DNAH12: variants seen among roughly 807,000 people sequenced by gnomAD.
DNAH12 encodes the protein dynein axonemal heavy chain 12, also known as axonemal beta dynein heavy chain 12.
Under a neutral mutation model 371.5 loss-of-function variants are expected in DNAH12, and 285 were observed. The observed-to-expected ratio is 0.77, with a 90% CI of 0.70 to 0.85. The LOEUF is 0.85. DNAH12 is among the 40% of genes least tolerant of loss of function. DNAH12 has a pLI of 0.00. For missense variants in DNAH12, 3,611 were observed against 3,689.4 expected (o/e 0.98, Z 0.55); for synonymous variants, 1,200 against 1,213.0 (o/e 0.99, Z 0.22).
At chr3:57,322,548 C>G (rs995903112) in intron 64 of DNAH12, 65 bp from the exon 65 acceptor site, 2 of 1,462,742 alleles carry the variant, frequency 1.4e-6, no homozygotes, top group African/African-American at 2.9e-5. Flanking sequence ...AGTGCATATA[C>G]ACGTGGATTA....
At chr3:57,452,693 A>G in intron 25 of DNAH12, 150 bp downstream of exon 25, 1 of 758,246 alleles carries the variant, frequency 1.3e-6, no homozygotes, top group East Asian at 3.0e-5. Context: ...CCAGAAGTAA[A>G]TATTCACTAT....
chr3:57,467,173 C>A (rs748165336), intron 17 of DNAH12, among the ~76,000 whole-genome samples: 38 of 152,164 alleles, frequency 2.5e-4, no homozygotes, highest in Non-Finnish European at 4.6e-4. Context: ...ACTGGGCATG[C>A]AGAGGCATGA....
intron 29 of DNAH12, among the ~76,000 whole-genome samples, chr3:57,442,474 A>G (rs983307510): frequency 6.6e-6 from 1 of 152,232 alleles, no homozygotes; most frequent in East Asian, 1.9e-4. Context: ...AAGTTGTAAT[A>G]AGCCAAGGAT....
intron 65 of DNAH12, among the ~76,000 whole-genome samples, chr3:57,321,720 T>G (rs2061809079): frequency 6.6e-6 from 1 of 152,186 alleles, no homozygotes; most frequent in African/African-American, 2.4e-5. Flanking sequence ...AAGCTATATC[T>G]TCCAATCTAG....
At position 57,429,735 on chromosome 3, in the gene DNAH12, G is replaced by A; in HGVS notation, c.5020C>T (p.Gln1674Ter). ...MSGEIIQMSPQMSLIFETMDL... is the reference protein window; with the variant it reads ...MSGEIIQMSP Reference sequence around the variant, plus strand: ...ATTGTTTCAAAGATGAGGCTCATTTGGGGGGACATCTGAATGATTTCTCCA... The same window carrying A: ...ATTGTTTCAAAGATGAGGCTCATTTAGGGGGACATCTGAATGATTTCTCCA... Residue 1674 changes from glutamine to a stop codon, truncating the protein, a stop_gained, in exon 33 of 74, where the codon CAA becomes TAA. Transcript: ENST00000495027. LOFTEE classifies it high-confidence loss of function. The A allele has an allele frequency of 1.3e-6, 2 of 1,532,898 alleles. No homozygotes were observed. Among genetic ancestry groups the A allele is most frequent in the Non-Finnish European group, 1.8e-6 (2 of 1,140,476 alleles). The allele number at this position is 1,532,898 out of a possible 1,614,324, so 95.0% of individuals were successfully genotyped here.
At chr3:57,514,271 G>A (rs2068103782) in intron 4 of DNAH12, among the ~76,000 whole-genome samples, 1 of 151,800 alleles carries the variant, frequency 6.6e-6, no homozygotes, top group South Asian at 2.1e-4. Context: ...GGGGGAACCT[G>A]TAATTCCAGC....
rs574694336 is a variant in DNAH12, at chr3:57,468,773, A to C, written c.2312T>G (p.Met771Arg). 6.6e-7 allele frequency: 1 copy of C among 1,521,976 alleles called. No homozygotes were observed. Among genetic ancestry groups the C allele is most frequent in the African/African-American group, 1.4e-5 (1 of 70,882 alleles). 94.3% of individuals were successfully genotyped at this position (1,521,976 alleles called of 1,614,324 possible). A position where few individuals can be genotyped will look rare whatever the true frequency, so the allele number is the denominator to read the frequency against. ...TATCTGTTCCATGACTGTACTGCAC[A>C]TAGTAATAGTAGCATTGTCTTTTGG... is the stretch of plus-strand genomic sequence containing the variant. ...EEPKDNATIT[M>R]CSTVMEQIKA... The change falls in exon 17 of 74, where the codon ATG (methionine) becomes AGG (arginine). Residue 771 changes from methionine (M) to arginine (R), a missense_variant. Met to Arg is a moderately conservative substitution (Grantham distance 91). This residue lies in a region of DNAH12 where 1,314 missense variants were observed against 1,398.7 expected (regional missense o/e 0.94). Transcript: ENST00000495027.
chr3:57,305,659 A>T (rs1428734519), intron 69 of DNAH12, among the ~76,000 whole-genome samples: 1 of 152,192 alleles, frequency 6.6e-6, no homozygotes, highest in Non-Finnish European at 1.5e-5. Flanking sequence ...GAGACGCTTT[A>T]CAGCCCTAGA....
chr3:57,520,549 TCTC>T (rs1489977458), intron 4 of DNAH12, among the ~76,000 whole-genome samples: 3 of 151,516 alleles, frequency 2.0e-5, no homozygotes, highest in African/African-American at 7.3e-5. Flanking sequence ...TTGACGCCAT[TCTC>T]CTGCCTCAGC....
chr3:57,492,258 C>T (rs934003596), intron 11 of DNAH12, among the ~76,000 whole-genome samples: 4 of 151,982 alleles, frequency 2.6e-5, no homozygotes, highest in Admixed American at 6.6e-5. Flanking sequence ...GTCAGGAGTT[C>T]GAGACCAGCC....
intron 10 of DNAH12, 84 bp downstream of exon 10, chr3:57,502,239 G>T: frequency 2.6e-6 from 4 of 1,540,638 alleles, no homozygotes; most frequent in Non-Finnish European, 3.6e-6. Flanking sequence ...TTTCATGGCA[G>T]CCCCAGACAA....
chr3:57,461,690 C>T lies in DNAH12; in HGVS notation c.2536-1G>A. Reference sequence around the variant, plus strand: ...TCATGGCTTTCTCTAATGAAAATTCCTAAAACGGAGGAATGAAGAAAGAAC... The same window carrying T: ...TCATGGCTTTCTCTAATGAAAATTCTTAAAACGGAGGAATGAAGAAAGAAC... On this transcript the variant is annotated splice_acceptor_variant, in intron 18 of 73. Transcript: ENST00000495027. LOFTEE classifies it high-confidence loss of function. The T allele has an allele frequency of 6.5e-7, 1 of 1,549,590 alleles. No homozygotes were observed. Among genetic ancestry groups the T allele is most frequent in the Non-Finnish European group, 8.7e-7 (1 of 1,146,498 alleles).
intron 2 of DNAH12, 62 bp from the exon 3 acceptor site, chr3:57,523,946 T>A (rs2068542960): frequency 8.1e-7 from 1 of 1,234,196 alleles, no homozygotes; most frequent in Non-Finnish European, 1.1e-6. Context: ...ACTAAAACAT[T>A]ACAATTTAAG....
At chr3:57,542,618 A>G in intron 2 of DNAH12, 83 bp downstream of exon 2, 1 of 1,439,812 alleles carries the variant, frequency 6.9e-7, no homozygotes, top group Non-Finnish European at 9.2e-7. Flanking sequence ...CAACCTCCAC[A>G]GTTAAAACTT....
At chr3:57,471,324 A>T in intron 15 of DNAH12, 148 bp downstream of exon 15, 1 of 432,208 alleles carries the variant, frequency 2.3e-6, no homozygotes, top group Non-Finnish European at 3.4e-6. Context: ...TTAGATAAAT[A>T]TATATGTATA....
At chr3:57,328,650 C>T (rs1427992825) in intron 62 of DNAH12, among the ~76,000 whole-genome samples, 1 of 146,588 alleles carries the variant, frequency 6.8e-6, no homozygotes, top group African/African-American at 2.5e-5. Context: ...AAAACTGGCA[C>T]AAGACAGGGA....
intron 46 of DNAH12, 125 bp from the exon 47 acceptor site, chr3:57,386,728 A>C (rs1490779968): frequency 2.0e-5 from 3 of 152,230 alleles, no homozygotes; most frequent in Admixed American, 6.5e-5. Context: ...TGAGTACTTG[A>C]ACATTTTAAG....
At chr3:57,553,797 A>C in the DNAH12 span, among the ~76,000 whole-genome samples, 2 of 152,112 alleles carry the variant, frequency 1.3e-5, no homozygotes, top group Admixed American at 1.3e-4. Context: ...TGATGTAGGC[A>C]AAATGTCTAA....
chr3:57,527,174 G>A (rs1325627478), intron 2 of DNAH12, among the ~76,000 whole-genome samples: 1 of 151,968 alleles, frequency 6.6e-6, no homozygotes, highest in African/African-American at 2.4e-5. Flanking sequence ...TTTTCCTATA[G>A]AGTTTGTAAT....
Sources: allele counts gnomAD v4.1 joint callset (sites outside exome capture counted in the v4.1 genomes callset), GRCh38; gene constraint gnomAD v4.1.1; regional missense constraint gnomAD v4.1.1; transcripts MANE v1.5; gene names NCBI Gene and HGNC (gene_info 2026-07-23, HGNC 2026-07-21).